The following UBE2J2 variants were observed in gnomAD, a reference collection of about 807,000 sequenced individuals.
UBE2J2 encodes ubiquitin-conjugating enzyme E2 J2.
A neutral mutation model predicts 28.6 loss-of-function variants in UBE2J2; 5 were observed. That is an observed-to-expected ratio of 0.17 (90% CI 0.09 to 0.37). UBE2J2 has a LOEUF of 0.37. Among genes scored for constraint, UBE2J2 ranks in the 10% least tolerant of loss-of-function variants. The pLI is 1.00. For missense variants in UBE2J2, 226 were observed against 338.9 expected, an observed-to-expected ratio of 0.67 and a Z score of 2.62; for synonymous variants, 138 against 139.7, an observed-to-expected ratio of 0.99 and a Z score of 0.09.
rs1640002115 is a variant in UBE2J2 at position 1,268,724 on chromosome 1, G to GTC, written c.1-734_1-733dup. 6.6e-6 allele frequency among the ~76,000 whole-genome samples: 1 copy of GTC among 152,188 alleles called. No individual in the cohort carries two copies. Among genetic ancestry groups the GTC allele is most frequent in the African/African-American group, 2.4e-5 (1 of 41,434 alleles). ...ATTTACTTATTTTTCGTGAGACAGGGTCTTGCTCTGTCGCCCAGGCTGGAG... is the reference window on the plus strand; with the variant it reads ...ATTTACTTATTTTTCGTGAGACAGGGTCTCTTGCTCTGTCGCCCAGGCTGGAG... On this transcript the variant is annotated intron_variant, in intron 1 of 6. Transcript: ENST00000349431. The surrounding 1 kb of genome is among the most constrained non-coding windows in gnomAD (Gnocchi z 4.7).
chr1:1,265,437 T>C (rs1212512118), intron 2 of UBE2J2, among the ~76,000 whole-genome samples: 1 of 152,146 alleles, frequency 6.6e-6, no homozygotes, highest in Non-Finnish European at 1.5e-5. Context: ...CCTAATGTTT[T>C]AGTTTCCAAT....
At position 1,268,046 on chromosome 1, in the gene UBE2J2, T is replaced by C; in HGVS notation, c.1-54A>G. ...CGAGAAGCAGCGCCGGCCACAGCTC[T>C]CTCCCCTGGCGCAGCCCCACTCCCG... On this transcript the variant is annotated intron_variant, in intron 1 of 6. Transcript: ENST00000349431. This position sits in a 1 kb window ranked among gnomAD's most constrained non-coding sequence, Gnocchi z 4.7. 1 of 1,599,760 alleles carries C rather than the reference T, an allele frequency of 6.3e-7. No individual in the cohort carries two copies. Among genetic ancestry groups the C allele is most frequent in the Middle Eastern group, 1.8e-4 (1 of 5,416 alleles).
chr1:1,267,746 G>A (rs1447197680), intron 2 of UBE2J2, 116 bp downstream of exon 2: 1 of 1,551,486 alleles, frequency 6.4e-7, no homozygotes, highest in Non-Finnish European at 8.7e-7. Flanking sequence ...GGGGGAGGGT[G>A]CAGGAGCACC....
At chr1:1,270,427 C>T (rs974609568) in intron 1 of UBE2J2, among the ~76,000 whole-genome samples, 1 of 152,092 alleles carries the variant, frequency 6.6e-6, no homozygotes, top group Non-Finnish European at 1.5e-5. Context: ...CCCCACACAC[C>T]CAGGGCCTGG....
intron 1 of UBE2J2, among the ~76,000 whole-genome samples, chr1:1,269,460 A>AT (rs1206586047): frequency 0.066 from 9,024 of 137,098 alleles, 672 homozygotes; most frequent in African/African-American, 0.19. Context: ...CTCAAACCTT[A>AT]TTTTTTTTTT....
intron 3 of UBE2J2, chr1:1,262,360 C>T: frequency 2.2e-6 from 1 of 456,128 alleles, no homozygotes. Flanking sequence ...CTCTGGCTGC[C>T]CTAGTTGCAG....
intron 1 of UBE2J2, among the ~76,000 whole-genome samples, chr1:1,270,940 C>T (rs879762766): frequency 2.1e-4 from 32 of 151,914 alleles, no homozygotes; most frequent in Admixed American, 4.6e-4. Flanking sequence ...CACACTCCTT[C>T]TCACAGCTGC....
At position 1,263,591 on chromosome 1, in the gene UBE2J2, G is replaced by A. The variant is rs1169794655; in HGVS notation, c.132-205C>T. The stretch of plus-strand genomic sequence containing the variant: ...TGGGTGCTTTTAGTCTCTTGTAACA[G>A]GATCTTAGAGACTATACTTTATAAG... On this transcript the variant is annotated intron_variant, in intron 2 of 6. Coordinates refer to ENST00000349431, the MANE Select transcript of UBE2J2 (RefSeq NM_058167.3). 1.5e-5 allele frequency: 8 copies of A among 534,586 alleles called. No homozygotes were observed. The Admixed American group carries it at 1.9e-4, about 12-fold the overall frequency. The allele number at this position is 534,586 out of a possible 1,614,324, so 33.1% of individuals were successfully genotyped here. A position where few individuals can be genotyped will look rare whatever the true frequency, so the allele number is the denominator to read the frequency against.
At position 1,268,116 on chromosome 1, in the gene UBE2J2, A is replaced by G; in HGVS notation, c.1-124T>C. 2 of 1,350,076 alleles carry G rather than the reference A, an allele frequency of 1.5e-6. No individual in the cohort carries two copies. The highest frequency in any genetic ancestry group is 2.1e-6 in the Non-Finnish European group (2 of 971,826). 83.6% of individuals were successfully genotyped at this position (1,350,076 alleles called of 1,614,324 possible). On this transcript the variant is annotated intron_variant, in intron 1 of 6. Transcript: ENST00000349431. The surrounding 1 kb of genome is among the most constrained non-coding windows in gnomAD (Gnocchi z 4.7). ...ATTCAGGGCCCGGTCACCCAGAGTC[A>G]CAGCTCACAGGTCACCCTCGCTTGC... is the stretch of plus-strand genomic sequence containing the variant.
chr1:1,263,665 A>G (rs949164653), intron 2 of UBE2J2: 8 of 321,460 alleles, frequency 2.5e-5, no homozygotes, highest in African/African-American at 1.7e-4. Context: ...CACGAAGCTC[A>G]TCTTAATAAT....
chr1:1,263,421 G>A (rs1639674921), intron 2 of UBE2J2, 35 bp from the exon 3 acceptor site: 6 of 1,594,814 alleles, frequency 3.8e-6, no homozygotes, highest in Non-Finnish European at 4.3e-6. Context: ...GGGATTTGAG[G>A]ACAGCAAATT....
At position 1,257,396 on chromosome 1, in the gene UBE2J2, C is replaced by T. The variant is rs868744625; in HGVS notation, c.173-86G>A. On this transcript the variant is annotated intron_variant, in intron 3 of 6. Transcript: ENST00000349431. ...CTCGTCCCCATCCCCCCACGCCACC[C>T]CCCCCCCCCCCCTCAGCTCGGCTCC... 56 of 274,056 alleles carry T rather than the reference C, an allele frequency of 2.0e-4. 4 individuals carry two copies. The South Asian group carries it at 2.1e-3, about 10-fold the overall frequency. 17.0% of individuals were successfully genotyped at this position (274,056 alleles called of 1,614,324 possible).
At chr1:1,269,773 C>T (rs902639965) in intron 1 of UBE2J2, among the ~76,000 whole-genome samples, 10 of 152,086 alleles carry the variant, frequency 6.6e-5, no homozygotes, top group Non-Finnish European at 8.8e-5. Flanking sequence ...CATGGCCACA[C>T]GATTTAATAA....
chr1:1,273,112 C>G (rs978778198), intron 1 of UBE2J2: 1 of 152,300 alleles, frequency 6.6e-6, no homozygotes, highest in East Asian at 1.9e-4. Context: ...TGAAAGGATG[C>G]AGGGAACTGG....
intron 2 of UBE2J2, among the ~76,000 whole-genome samples, chr1:1,266,545 GGC>G (rs1639873284): frequency 6.6e-6 from 1 of 152,022 alleles, no homozygotes; most frequent in Non-Finnish European, 1.5e-5. Context: ...AATAAGGCCG[GGC>G]GTGGTGGCTC....
At chr1:1,265,603 T>TTGTGTGTGTGTG (rs57125925) in intron 2 of UBE2J2, among the ~76,000 whole-genome samples, 1,532 of 120,974 alleles carry the variant, frequency 0.013, 18 homozygotes, top group East Asian at 0.019. Flanking sequence ...TTTCTCTCCA[T>TTGTGTGTGTGTG]TGTGTGTGTG....
chr1:1,272,478 G>A (rs901613033), intron 1 of UBE2J2, among the ~76,000 whole-genome samples: 4 of 152,116 alleles, frequency 2.6e-5, no homozygotes, highest in Non-Finnish European at 4.4e-5. Flanking sequence ...CTGACCCATC[G>A]GCCAGGCGCA....
rs887965495 is a variant in UBE2J2 at position 1,255,170 on chromosome 1, C to G, written c.*33G>C. On this transcript the variant is annotated 3_prime_UTR_variant, in exon 7 of 7. Transcript: ENST00000349431. ...AGGTCACGCTCTGGTGCGCGGTGCC[C>G]TCAGTGGCGCCTTGGGTCTCGGCGC... The G allele has an allele frequency of 7.7e-6, 12 of 1,554,726 alleles. No homozygotes were observed. The highest frequency in any genetic ancestry group is 8.7e-6 in the Non-Finnish European group (10 of 1,146,460).
chr1:1,265,034 T>C (rs1639767707), intron 2 of UBE2J2, among the ~76,000 whole-genome samples: 1 of 152,226 alleles, frequency 6.6e-6, no homozygotes, highest in Non-Finnish European at 1.5e-5. Context: ...CCAGTGGCTC[T>C]GAGCTCAGCA....
Sources: gnomAD v4.1 joint callset for allele counts (sites outside exome capture counted in the v4.1 genomes callset) on GRCh38, gnomAD v4.1.1 for gene constraint, Gnocchi (gnomAD v3.1) non-coding constraint, MANE v1.5 for transcripts, NCBI Gene and HGNC (gene_info 2026-07-23, HGNC 2026-07-21) for gene names.